The following DHX34 variants were observed in gnomAD, a reference collection of about 807,000 sequenced individuals.
DHX34 encodes probable ATP-dependent RNA helicase DHX34.
Under a neutral mutation model 111.1 loss-of-function variants are expected in DHX34, and 96 were observed. The observed-to-expected ratio is 0.86, with a 90% CI of 0.73 to 1.02. The LOEUF is 1.02. Among genes scored for constraint, DHX34 ranks in the 50% least tolerant of loss-of-function variants. DHX34 has a pLI of 0.00. For synonymous variants in DHX34, 688 were observed against 670.4 expected, an observed-to-expected ratio of 1.03 and a Z score of -0.41; for missense variants, 1,560 against 1,579.9, an observed-to-expected ratio of 0.99 and a Z score of 0.21.
chr19:47,359,888 C>G, intron 4 of DHX34, 80 bp from the exon 5 acceptor site: 2 of 1,603,206 alleles, frequency 1.2e-6, no homozygotes, highest in South Asian at 2.2e-5. Context: ...GCTGCTGACA[C>G]GGGGGTGGGC....
rs1970147210 is a variant in DHX34, at chr19:47,376,103, GC to G, written c.2481+8del. 6.5e-7 allele frequency: 1 copy of G among 1,547,148 alleles called. No individual in the cohort carries two copies. On this transcript the variant is annotated splice_region_variant and intron_variant, in intron 11 of 16. Coordinates refer to ENST00000328771, the MANE Select transcript of DHX34 (RefSeq NM_014681.6). ...GCCGAAAGGACTCAGACCAGGTGGG[GC>G]CTGTTCTGCCCCATCCTATGTTTTG... is the stretch of plus-strand genomic sequence containing the variant.
chr19:47,366,072 C>T (rs955418375), intron 6 of DHX34, among the ~76,000 whole-genome samples: 1 of 152,088 alleles, frequency 6.6e-6, no homozygotes, highest in Non-Finnish European at 1.5e-5. Flanking sequence ...AATAAGATAG[C>T]CTTCCATCCT....
intron 6 of DHX34, among the ~76,000 whole-genome samples, chr19:47,363,743 A>C (rs146235495): frequency 6.8e-6 from 1 of 146,520 alleles, no homozygotes; most frequent in Non-Finnish European, 1.5e-5. Flanking sequence ...GCTTGAACCC[A>C]GGAGGTGGAG....
intron 13 of DHX34, among the ~76,000 whole-genome samples, chr19:47,378,678 T>G (rs1970248641): frequency 6.6e-6 from 1 of 151,794 alleles, no homozygotes; most frequent in Non-Finnish European, 1.5e-5. Flanking sequence ...TACAAAAAAT[T>G]TTAAAAAGTT....
At chr19:47,375,045 C>T (rs949593697) in intron 9 of DHX34, among the ~76,000 whole-genome samples, 8 of 152,210 alleles carry the variant, frequency 5.3e-5, no homozygotes, top group African/African-American at 1.7e-4. Context: ...CCCCTCCTCT[C>T]TCCACTTGGT....
chr19:47,376,774 C>A, intron 12 of DHX34: 1 of 1,468,428 alleles, frequency 6.8e-7, no homozygotes, highest in South Asian at 1.3e-5. Flanking sequence ...TGGTGATAGT[C>A]AACCTAAGCC....
intron 7 of DHX34, among the ~76,000 whole-genome samples, chr19:47,370,872 C>G (rs180891759): frequency 6.6e-6 from 1 of 152,274 alleles, no homozygotes; most frequent in Admixed American, 6.5e-5. Context: ...CAGGGTTTCA[C>G]CACATTGGCC....
chr19:47,376,409 A>G (rs773438221), intron 11 of DHX34, 34 bp from the exon 12 acceptor site: 11 of 1,596,724 alleles, frequency 6.9e-6, no homozygotes, highest in Non-Finnish European at 9.4e-6. Context: ...GAGAGCAGAT[A>G]GGAGGGCTTG....
chr19:47,355,608 G>A (rs983160091), intron 3 of DHX34, among the ~76,000 whole-genome samples: 2 of 152,110 alleles, frequency 1.3e-5, no homozygotes, highest in African/African-American at 4.8e-5. Context: ...CAGCACTTTG[G>A]GAGGCCGAGG....
At chr19:47,373,456 A>G in intron 8 of DHX34, 143 bp from the exon 9 acceptor site, 1 of 1,446,402 alleles carries the variant, frequency 6.9e-7, no homozygotes, top group Admixed American at 2.5e-5. Context: ...TTCCCATAGG[A>G]GGGGGCACTG....
At chr19:47,379,409 G>A (rs568731748) in intron 13 of DHX34, among the ~76,000 whole-genome samples, 1 of 152,186 alleles carries the variant, frequency 6.6e-6, no homozygotes, top group Non-Finnish European at 1.5e-5. Flanking sequence ...CACGTCGTGT[G>A]TGTCTGAGTG....
In DHX34 at chr19:47,358,090, C is replaced by T; in HGVS notation, c.1242C>T (p.His414=). The T allele has an allele frequency of 6.2e-7, 1 of 1,610,822 alleles. No homozygotes were observed. The highest frequency in any genetic ancestry group is 8.5e-7 in the Non-Finnish European group (1 of 1,177,892). The change falls in exon 4 of 17, where the codon CAC becomes CAT. Residue 414 remains histidine (H), a synonymous_variant. Coordinates refer to ENST00000328771, the MANE Select transcript of DHX34 (RefSeq NM_014681.6). ...AGCGCTGGGTGGTACTGCCACTGCACAGCGCCCTGTCTGTGGCCGACCAGG... is the reference window on the plus strand; with the variant it reads ...AGCGCTGGGTGGTACTGCCACTGCATAGCGCCCTGTCTGTGGCCGACCAGG... ...HTQRWVVLPL[H]SALSVADQDK... is the part of the protein sequence containing the mutation.
chr19:47,372,670 G>C, intron 7 of DHX34, 60 bp from the exon 8 acceptor site: 1 of 1,484,952 alleles, frequency 6.7e-7, no homozygotes, highest in Non-Finnish European at 9.0e-7. Flanking sequence ...GGGCCCCGAG[G>C]GGTGAGGGCT....
At chr19:47,370,025 C>A (rs1243115665) in intron 7 of DHX34, among the ~76,000 whole-genome samples, 4 of 152,138 alleles carry the variant, frequency 2.6e-5, no homozygotes, top group Non-Finnish European at 5.9e-5. Flanking sequence ...TTGGGGCCAG[C>A]AGACCCTCTG....
rs1281230076 is a variant in DHX34 at position 47,372,789 on chromosome 19, G to A, written c.1828G>A (p.Ala610Thr). The A allele has an allele frequency of 1.2e-6, 2 of 1,612,564 alleles. No homozygotes were observed. Among genetic ancestry groups the A allele is most frequent in the East Asian group, 4.5e-5 (2 of 44,898 alleles). The change falls in exon 8 of 17, where the codon GCC (alanine) becomes ACC (threonine). Residue 610 changes from alanine (A) to threonine (T), a missense_variant. Ala to Thr is a moderately conservative substitution (Grantham distance 58, BLOSUM62 0). Coordinates refer to ENST00000328771, the MANE Select transcript of DHX34 (RefSeq NM_014681.6). ...GGTGGAGCCTGTGCTCACCATCGCA[G>A]CCGCACTTAGCGTCCAGTCGCCCTT... is the stretch of plus-strand genomic sequence containing the variant. ...SLVEPVLTIA[A>T]ALSVQSPFTR...
chr19:47,365,646 C>T (rs557924734), intron 6 of DHX34, among the ~76,000 whole-genome samples: 5 of 152,300 alleles, frequency 3.3e-5, no homozygotes, highest in African/African-American at 7.2e-5. Context: ...TGCAGGTGGA[C>T]GCCAGAACTT....
chr19:47,382,232 G>C lies in DHX34; in HGVS notation c.*119G>C. ...CTTAGCCCTGTGGTCCTGTCCCAGT[G>C]CAGAGGGCCTGGAGCACGGATTGTG... On this transcript the variant is annotated 3_prime_UTR_variant, in exon 17 of 17. Coordinates refer to ENST00000328771, the MANE Select transcript of DHX34 (RefSeq NM_014681.6). The C allele has an allele frequency of 1.4e-6, 2 of 1,476,660 alleles. No individual in the cohort carries two copies. The highest frequency in any genetic ancestry group is 2.7e-5 in the South Asian group (2 of 73,298). The allele number at this position is 1,476,660 out of a possible 1,614,324, so 91.5% of individuals were successfully genotyped here.
At position 47,367,006 on chromosome 19, in the gene DHX34, C is replaced by G; in HGVS notation, c.1619C>G (p.Pro540Arg). ...ATGAAGAGCATGAGTGTGGGGGACC[C>G]CCGAACCTTCCCCTTCATCGAGCCC... ...LQMKSMSVGDPRTFPFIEPPP... is the reference protein window; with the variant it reads ...LQMKSMSVGDRRTFPFIEPPP... Residue 540 changes from proline (P) to arginine (R), a missense_variant, in exon 7 of 17, where the codon CCC becomes CGC. Pro to Arg is a moderately radical substitution (Grantham distance 103). Coordinates refer to ENST00000328771, the MANE Select transcript of DHX34 (RefSeq NM_014681.6). The G allele has an allele frequency of 6.4e-7, 1 of 1,560,730 alleles. No homozygotes were observed.
intron 7 of DHX34, among the ~76,000 whole-genome samples, chr19:47,368,640 AC>A (rs1431621410): frequency 3.4e-5 from 4 of 118,336 alleles, no homozygotes; most frequent in African/African-American, 1.1e-4. Context: ...GTATATATAT[AC>A]ACACACACAC....
Sources: allele counts gnomAD v4.1 joint callset (sites outside exome capture counted in the v4.1 genomes callset), GRCh38; gene constraint gnomAD v4.1.1; transcripts MANE v1.5; gene names NCBI Gene and HGNC (gene_info 2026-07-23, HGNC 2026-07-21).